SAMMSON: variants seen among roughly 807,000 people sequenced by gnomAD.
The protein encoded by SAMMSON is survival associated mitochondrial melanoma specific oncogenic non-coding RNA.
intron 4 of SAMMSON, among the ~76,000 whole-genome samples, chr3:70,097,734 G>C (rs146601206): frequency 5.9e-5 from 9 of 152,154 alleles, no homozygotes; most frequent in Non-Finnish European, 1.2e-4. Context: ...TTGTGAACCA[G>C]TGCTTAAAAT....
chr3:70,030,241 C>T (rs1024004141), intron 3 of SAMMSON: 1 of 152,032 alleles, frequency 6.6e-6, no homozygotes, highest in African/African-American at 2.4e-5. Context: ...TTATTTATTG[C>T]CCTATTCAGA....
chr3:70,235,001 A>T (rs555055478), intron 4 of SAMMSON, among the ~76,000 whole-genome samples: 1 of 152,222 alleles, frequency 6.6e-6, no homozygotes, highest in South Asian at 2.1e-4. Flanking sequence ...GATGATTCTA[A>T]TGTGTAGCCA....
chr3:70,405,975 T>A (rs2106765625), intron 2 of SAMMSON, among the ~76,000 whole-genome samples: 1 of 151,988 alleles, frequency 6.6e-6, no homozygotes, highest in East Asian at 1.9e-4. Flanking sequence ...ATACAGGGAG[T>A]CTATTGTAAA....
At chr3:70,094,323 G>A (rs1559789814) in intron 4 of SAMMSON, among the ~76,000 whole-genome samples, 1 of 152,108 alleles carries the variant, frequency 6.6e-6, no homozygotes, top group Non-Finnish European at 1.5e-5. Context: ...TCCTTCCAGT[G>A]TATTCTACTC....
At chr3:70,319,876 G>GA in intron 7 of SAMMSON, among the ~76,000 whole-genome samples, 1 of 152,068 alleles carries the variant, frequency 6.6e-6, no homozygotes, top group African/African-American at 2.4e-5. Context: ...GTTAATCCTG[G>GA]AAAAAATTGG....
At chr3:70,170,926 T>C (rs1700938266) in intron 4 of SAMMSON, among the ~76,000 whole-genome samples, 1 of 151,896 alleles carries the variant, frequency 6.6e-6, no homozygotes, top group Non-Finnish European at 1.5e-5. Flanking sequence ...ACAAACAAAA[T>C]TCAATTTCAT....
chr3:70,397,779 A>G (rs568567495), intron 2 of SAMMSON, among the ~76,000 whole-genome samples: 1 of 152,286 alleles, frequency 6.6e-6, no homozygotes, highest in Non-Finnish European at 1.5e-5. Context: ...TACACTCTCA[A>G]CATCAGGAAA....
intron 4 of SAMMSON, among the ~76,000 whole-genome samples, chr3:70,229,319 C>G (rs905544894): frequency 6.6e-6 from 1 of 152,122 alleles, no homozygotes; most frequent in African/African-American, 2.4e-5. Context: ...TAGGAATATT[C>G]TGTATTCAGA....
intron 7 of SAMMSON, among the ~76,000 whole-genome samples, chr3:70,317,994 C>T (rs1559562580): frequency 6.6e-6 from 1 of 151,224 alleles, no homozygotes; most frequent in Non-Finnish European, 1.5e-5. Context: ...TATCATTGTT[C>T]CTCTATATCT....
chr3:70,283,878 T>G (rs1337704387), intron 6 of SAMMSON: 1 of 152,110 alleles, frequency 6.6e-6, no homozygotes, highest in African/African-American at 2.4e-5. Flanking sequence ...TAAGAGAATG[T>G]GTAAAATGTC....
At chr3:70,144,975 CT>C (rs2106683457) in intron 4 of SAMMSON, among the ~76,000 whole-genome samples, 1 of 152,194 alleles carries the variant, frequency 6.6e-6, no homozygotes, top group South Asian at 2.1e-4. Flanking sequence ...TTAAATGTCT[CT>C]TTTTGCTCCC....
chr3:70,258,315 C>T (rs529536564), intron 6 of SAMMSON, among the ~76,000 whole-genome samples: 18 of 152,098 alleles, frequency 1.2e-4, no homozygotes, highest in South Asian at 6.2e-4. Flanking sequence ...TAAATCTTTG[C>T]TCTTTGAAAA....
chr3:70,116,223 G>A (rs533767884), intron 4 of SAMMSON, among the ~76,000 whole-genome samples: 1 of 150,828 alleles, frequency 6.6e-6, no homozygotes, highest in Non-Finnish European at 1.5e-5. Context: ...GGAAATTATT[G>A]CAAAGGGGAT....
chr3:70,266,246 T>C (rs1295020918), intron 6 of SAMMSON, among the ~76,000 whole-genome samples: 2 of 152,164 alleles, frequency 1.3e-5, no homozygotes, highest in Non-Finnish European at 2.9e-5. Context: ...TGTGAGTTGA[T>C]GTGACCTATT....
intron 9 of SAMMSON, among the ~76,000 whole-genome samples, chr3:70,386,397 A>G (rs1410753871): frequency 6.6e-6 from 1 of 152,094 alleles, no homozygotes; most frequent in Admixed American, 6.6e-5. Context: ...GTTATATCTC[A>G]TTTATGAAGA....
chr3:70,228,054 T>A (rs1239218273), intron 4 of SAMMSON, among the ~76,000 whole-genome samples: 2 of 151,740 alleles, frequency 1.3e-5, no homozygotes, highest in Non-Finnish European at 2.9e-5. Flanking sequence ...CAACAGAGAA[T>A]CTTAATGATA....
intron 7 of SAMMSON, among the ~76,000 whole-genome samples, chr3:70,324,671 T>C (rs1352558492): frequency 6.6e-6 from 1 of 152,134 alleles, no homozygotes; most frequent in Non-Finnish European, 1.5e-5. Context: ...AACCCTTTTA[T>C]TGTGATGTGA....
intron 9 of SAMMSON, among the ~76,000 whole-genome samples, chr3:70,365,148 C>G (rs1013999738): frequency 6.6e-6 from 1 of 151,642 alleles, no homozygotes; most frequent in African/African-American, 2.4e-5. Flanking sequence ...ATCCTAAAAG[C>G]ACTTTCTTAC....
chr3:70,414,228 A>G (rs1357234797), intron 2 of SAMMSON, among the ~76,000 whole-genome samples: 1 of 152,112 alleles, frequency 6.6e-6, no homozygotes, highest in Non-Finnish European at 1.5e-5. Flanking sequence ...ACCCATTATC[A>G]TGGGTCATTT....
Sources: gnomAD v4.1 joint callset for allele counts (sites outside exome capture counted in the v4.1 genomes callset) on GRCh38, gnomAD v4.1.1 for gene constraint, MANE v1.5 for transcripts, NCBI Gene and HGNC (gene_info 2026-07-23, HGNC 2026-07-21) for gene names.